The following SETX variants were observed in gnomAD, a reference collection of about 807,000 sequenced individuals.
SETX encodes the protein senataxin.
In SETX, 90 loss-of-function variants were observed where a neutral mutation model predicts 227.2. The ratio of observed to expected loss-of-function variants is 0.40; its 90% CI spans 0.33 to 0.47. SETX has a LOEUF of 0.47. Among genes scored for constraint, SETX ranks in the 20% least tolerant of loss-of-function variants. The pLI, the probability that SETX is intolerant of heterozygous loss-of-function variation, is 0.91. For missense variants in SETX, 3,052 were observed against 3,181.5 expected (o/e 0.96, Z 0.98); for synonymous variants, 1,210 against 1,113.2 (o/e 1.09, Z -1.73).
chr9:132,349,633 A>G (rs1207274789), intron 2 of SETX, among the ~76,000 whole-genome samples, 198 bp from the exon 3 acceptor site: 2 of 152,234 alleles, frequency 1.3e-5, no homozygotes, highest in African/African-American at 4.8e-5. Context: ...TACGAAAAAT[A>G]CAGAAAAATA....
chr9:132,345,769 C>T (rs192729070), intron 4 of SETX, among the ~76,000 whole-genome samples: 1 of 152,238 alleles, frequency 6.6e-6, no homozygotes, highest in Non-Finnish European at 1.5e-5. Flanking sequence ...ATAATCCCAG[C>T]AATTTGGGAA....
chr9:132,298,898 G>A (rs1401791712), intron 12 of SETX, among the ~76,000 whole-genome samples: 3 of 151,954 alleles, frequency 2.0e-5, no homozygotes, highest in African/African-American at 7.3e-5. Context: ...GAAAACCATT[G>A]GGCACTCTGT....
At position 132,298,223 on chromosome 9, in the gene SETX, TTACAA is replaced by T. The variant is rs770693482; in HGVS notation, c.5633_5637del (p.Ile1878AsnfsTer19). 2.5e-6 allele frequency: 4 copies of T among 1,613,966 alleles called. No individual in the cohort carries two copies. The highest frequency in any genetic ancestry group is 1.1e-5 in the South Asian group (1 of 91,076). On this transcript the variant is annotated frameshift_variant, in exon 13 of 26. Transcript: ENST00000224140. LOFTEE classifies it high-confidence loss of function. ...CTTTGTGTAGTTACCAGAGAACTGATTACAATACAATTCACAAGTTCGTTTAAATT... is the reference window on the plus strand; with the variant it reads ...CTTTGTGTAGTTACCAGAGAACTGATTACAATTCACAAGTTCGTTTAAATT...
chr9:132,349,105 A>G (rs937138515), intron 3 of SETX, 147 bp downstream of exon 3: 1 of 796,464 alleles, frequency 1.3e-6, no homozygotes, highest in Non-Finnish European at 2.0e-6. Context: ...ATCTCTAACA[A>G]CAACAAAAAC....
At chr9:132,274,095 T>C (rs1276491868) in intron 23 of SETX, among the ~76,000 whole-genome samples, 1 of 152,216 alleles carries the variant, frequency 6.6e-6, no homozygotes, top group Non-Finnish European at 1.5e-5. Flanking sequence ...TTTCATATGT[T>C]GAAGCAATCT....
At chr9:132,310,212 C>T (rs1845574247) in intron 11 of SETX, among the ~76,000 whole-genome samples, 1 of 152,198 alleles carries the variant, frequency 6.6e-6, no homozygotes, top group Admixed American at 6.5e-5. Flanking sequence ...CCACAAAACA[C>T]CATCAATACA....
Position 132,288,616 on chromosome 9 carries a change from G to T in SETX, c.6142C>A (p.Pro2048Thr). ...ACCTCACTATTAATAGACTTTTCTG[G>T]ACCCAGTCGTACTAAATTTATATCT... ...CGDINLVRLG[P>T]EKSINSEVLK... Residue 2048 changes from proline (P) to threonine (T), a missense_variant, in exon 16 of 26, where the codon CCA (proline) becomes ACA (threonine). Pro to Thr is a conservative substitution (Grantham distance 38, BLOSUM62 -1). Transcript: ENST00000224140. The T allele has an allele frequency of 6.2e-7, 1 of 1,613,684 alleles. No individual in the cohort carries two copies.
In SETX at chr9:132,288,617, A is replaced by G. The variant is rs1395701503; in HGVS notation, c.6141T>C (p.Gly2047=). 6.2e-7 allele frequency: 1 copy of G among 1,613,754 alleles called. No individual in the cohort carries two copies. The highest frequency in any genetic ancestry group is 8.5e-7 in the Non-Finnish European group (1 of 1,179,788). ...NCGDINLVRL[G]PEKSINSEVL... ...CCTCACTATTAATAGACTTTTCTGG[A>G]CCCAGTCGTACTAAATTTATATCTC... The change falls in exon 16 of 26, where the codon GGT becomes GGC. Residue 2047 remains glycine, a synonymous_variant. Transcript: ENST00000224140.
chr9:132,270,587 C>T (rs545774285), intron 24 of SETX, among the ~76,000 whole-genome samples: 180 of 152,342 alleles, frequency 1.2e-3, no homozygotes, highest in Non-Finnish European at 2.0e-3. Flanking sequence ...ACCAAAACCT[C>T]GGGGCTTCCT....
At chr9:132,266,674 A>C in intron 25 of SETX, among the ~76,000 whole-genome samples, 1 of 152,188 alleles carries the variant, frequency 6.6e-6, no homozygotes. Flanking sequence ...TGAGATGCTA[A>C]GGCATGAGAA....
At chr9:132,318,823 A>G (rs1846156651) in intron 10 of SETX, among the ~76,000 whole-genome samples, 1 of 152,196 alleles carries the variant, frequency 6.6e-6, no homozygotes, top group African/African-American at 2.4e-5. Flanking sequence ...AGCCCAGGGT[A>G]ATGAGGGGAA....
At chr9:132,283,153 T>C in intron 19 of SETX, 111 bp downstream of exon 19, 1 of 1,343,546 alleles carries the variant, frequency 7.4e-7, no homozygotes, top group African/African-American at 1.5e-5. Flanking sequence ...CAAGTGAAAA[T>C]CAGATGCAAA....
intron 1 of SETX, among the ~76,000 whole-genome samples, chr9:132,354,426 G>C (rs530524658): frequency 1.3e-5 from 2 of 148,220 alleles, no homozygotes; most frequent in Non-Finnish European, 3.0e-5. Flanking sequence ...AGCCCAGGAA[G>C]ACGAGGTTGC....
At chr9:132,304,083 G>T (rs1384328918) in intron 11 of SETX, among the ~76,000 whole-genome samples, 1 of 152,182 alleles carries the variant, frequency 6.6e-6, no homozygotes, top group Non-Finnish European at 1.5e-5. Context: ...CCAGGCTGGG[G>T]CAACAGAGCA....
chr9:132,353,335 G>T (rs1470169926), intron 2 of SETX, among the ~76,000 whole-genome samples: 1 of 151,782 alleles, frequency 6.6e-6, no homozygotes, highest in Non-Finnish European at 1.5e-5. Context: ...CCTCTGCCCG[G>T]TACTTAACTG....
upstream of SETX, among the ~76,000 whole-genome samples, chr9:132,356,200 T>G (rs1848904372): frequency 6.6e-6 from 1 of 151,380 alleles, no homozygotes; most frequent in African/African-American, 2.4e-5. Context: ...GGAAAGCCTA[T>G]CCCCCCCCTT....
chr9:132,310,655 CT>C (rs1194097767), intron 11 of SETX, among the ~76,000 whole-genome samples: 1 of 152,172 alleles, frequency 6.6e-6, no homozygotes. Flanking sequence ...CAAACATCCG[CT>C]TTCTTTCTGC....
At chr9:132,346,739 G>A (rs998979740) in intron 3 of SETX, among the ~76,000 whole-genome samples, 1 of 151,526 alleles carries the variant, frequency 6.6e-6, no homozygotes, top group Non-Finnish European at 1.5e-5. Context: ...ACTGTTTCAG[G>A]TCAGGAGTTC....
intron 25 of SETX, 123 bp from the exon 26 acceptor site, chr9:132,265,108 T>C (rs1419653955): frequency 8.5e-6 from 10 of 1,177,082 alleles, no homozygotes; most frequent in Non-Finnish European, 1.2e-5. Flanking sequence ...ATTCTCAAGA[T>C]TCATTACTCG....
Sources: allele counts gnomAD v4.1 joint callset (sites outside exome capture counted in the v4.1 genomes callset), GRCh38; gene constraint gnomAD v4.1.1; transcripts MANE v1.5; gene names NCBI Gene and HGNC (gene_info 2026-07-23, HGNC 2026-07-21).